The following TOM1L1 variants were observed in gnomAD, a reference collection of about 807,000 sequenced individuals.
The protein encoded by TOM1L1 is TOM1-like protein 1.
TOM1L1 carries 64 observed loss-of-function variants against 63.4 expected under a neutral mutation model. The observed-to-expected ratio is 1.01, with a 90% CI of 0.83 to 1.24. The LOEUF is 1.24. Ranked by LOEUF, TOM1L1 falls within the 50% of genes most tolerant of loss-of-function variation. TOM1L1 has a pLI of 0.00. For missense variants in TOM1L1, 536 were observed against 567.0 expected (o/e 0.95, Z 0.55); for synonymous variants, 166 against 194.4 (o/e 0.85, Z 1.22).
chr17:54,951,462 A>G (rs1478621453), intron 14 of TOM1L1, among the ~76,000 whole-genome samples: 1 of 152,188 alleles, frequency 6.6e-6, no homozygotes, highest in African/African-American at 2.4e-5. Context: ...TATGACCCAC[A>G]GTGACAAAGG....
Position 54,905,583 on chromosome 17 carries a change from T to A in TOM1L1, c.222+16T>A. The A allele has an allele frequency of 6.9e-7, 1 of 1,443,466 alleles. No homozygotes were observed. Among genetic ancestry groups the A allele is most frequent in the Non-Finnish European group, 9.7e-7 (1 of 1,033,372 alleles). 89.4% of individuals were successfully genotyped at this position (1,443,466 alleles called of 1,614,324 possible). A position where few individuals can be genotyped will look rare whatever the true frequency, so the allele number is the denominator to read the frequency against. ...TACCTTGTCAGTAAGTACTTTAATT[T>A]TATAATTAAGACTCGAGGATTTCTC... On this transcript the variant is annotated intron_variant, in intron 3 of 15. Coordinates refer to ENST00000575882, the MANE Select transcript of TOM1L1 (RefSeq NM_005486.3).
chr17:54,913,746 A>G lies in TOM1L1; in HGVS notation c.373-2A>G, dbSNP rs1567822908. On this transcript the variant is annotated splice_acceptor_variant, in intron 4 of 15. Transcript: ENST00000575882. LOFTEE classifies it high-confidence loss of function. ...GGAACTTTTTTCATCTCTTGAATTC[A>G]GACTTGGTCACAGGGCTTCCCAGGA... is the stretch of plus-strand genomic sequence containing the variant. 6.2e-7 allele frequency: 1 copy of G among 1,605,486 alleles called. No homozygotes were observed. The highest frequency in any genetic ancestry group is 2.3e-5 in the East Asian group (1 of 44,180).
intron 13 of TOM1L1, 112 bp downstream of exon 13, chr17:54,949,735 A>G: frequency 1.1e-6 from 1 of 930,736 alleles, no homozygotes; most frequent in Non-Finnish European, 1.7e-6. Flanking sequence ...GCTCTTTTGT[A>G]TTTTTAAGCT....
chr17:54,947,668 C>T (rs1293801811), intron 12 of TOM1L1, among the ~76,000 whole-genome samples: 5 of 152,184 alleles, frequency 3.3e-5, no homozygotes, highest in African/African-American at 1.2e-4. Context: ...GCACACATGG[C>T]TTTCAGACAC....
In TOM1L1 at chr17:54,924,063, A is replaced by G. The variant is rs2048727628; in HGVS notation, c.721-6010A>G. Reference sequence around the variant, plus strand: ...GCTGGAAACCCTCCATTGGCTTCCCATTATAGTTGGAGTAAAACTAGACCT... The same window carrying G: ...GCTGGAAACCCTCCATTGGCTTCCCGTTATAGTTGGAGTAAAACTAGACCT... On this transcript the variant is annotated intron_variant, in intron 7 of 15. Coordinates refer to ENST00000575882, the MANE Select transcript of TOM1L1 (RefSeq NM_005486.3). Among the ~76,000 whole-genome samples, 3 of 152,032 alleles carry G rather than the reference A, an allele frequency of 2.0e-5. No homozygotes were observed. In the South Asian group the frequency reaches 6.2e-4, roughly 32 times the overall value.
intron 6 of TOM1L1, among the ~76,000 whole-genome samples, chr17:54,915,224 T>C (rs2048568048): frequency 6.6e-6 from 1 of 152,220 alleles, no homozygotes; most frequent in African/African-American, 2.4e-5. Context: ...GGAACTATAA[T>C]TGAAGATTTT....
At chr17:54,912,939 A>G in intron 4 of TOM1L1, 124 bp downstream of exon 4, 1 of 896,244 alleles carries the variant, frequency 1.1e-6, no homozygotes, top group Non-Finnish European at 1.5e-6. Context: ...CATTTTTGCT[A>G]TTTTAGTTTC....
chr17:54,930,696 G>A (rs1445327690), intron 8 of TOM1L1, among the ~76,000 whole-genome samples: 3 of 151,952 alleles, frequency 2.0e-5, no homozygotes, highest in Non-Finnish European at 4.4e-5. Context: ...AAAATAATTA[G>A]CTGGGCATGG....
chr17:54,912,286 T>C (rs2048509230), intron 3 of TOM1L1, among the ~76,000 whole-genome samples: 1 of 152,168 alleles, frequency 6.6e-6, no homozygotes, highest in Non-Finnish European at 1.5e-5. Context: ...TGAAAGGGTG[T>C]GTCATCATTA....
intron 14 of TOM1L1, among the ~76,000 whole-genome samples, chr17:54,951,544 A>G: frequency 6.6e-6 from 1 of 152,222 alleles, no homozygotes; most frequent in Non-Finnish European, 1.5e-5. Context: ...CTGCTTCCAG[A>G]GGCTGGCTCC....
chr17:54,960,234 G>A (rs1392187419), intron 14 of TOM1L1, among the ~76,000 whole-genome samples: 1 of 151,980 alleles, frequency 6.6e-6, no homozygotes, highest in Non-Finnish European at 1.5e-5. Context: ...GCATGGTTGT[G>A]TGTCCCTGTA....
intron 7 of TOM1L1, among the ~76,000 whole-genome samples, chr17:54,920,977 T>C (rs959329033): frequency 5.9e-5 from 9 of 152,170 alleles, no homozygotes; most frequent in African/African-American, 2.2e-4. Flanking sequence ...GCTTGCCATC[T>C]CGCTTTGTGG....
chr17:54,906,981 G>A (rs141198364), intron 3 of TOM1L1, among the ~76,000 whole-genome samples: 10 of 152,306 alleles, frequency 6.6e-5, no homozygotes, highest in African/African-American at 2.4e-4. Flanking sequence ...GGACTTTGGG[G>A]CATATGTGAG....
At chr17:54,900,997 G>C (rs968077375) in intron 1 of TOM1L1, 74 bp downstream of exon 1, 3 of 1,599,804 alleles carry the variant, frequency 1.9e-6, no homozygotes, top group East Asian at 2.2e-5. Context: ...TCCATTCTCG[G>C]CCTGCAGAGG....
rs1355341271 is a variant in TOM1L1, at chr17:54,939,011, A to C, written c.1121A>C (p.Glu374Ala). ...AACTTGCTAGCCTTGGAGAATACAG[A>C]GATACCCCCGTAAGTATGTCAGTAA... is the stretch of plus-strand genomic sequence containing the variant. ...QMNLLALENT[E>A]IPPFAQRTSQ... The change falls in exon 11 of 16, where the codon GAG (glutamate) becomes GCG (alanine). Residue 374 changes from glutamate to alanine, a missense_variant. Coordinates refer to ENST00000575882, the MANE Select transcript of TOM1L1 (RefSeq NM_005486.3). The C allele has an allele frequency of 1.9e-6, 3 of 1,602,142 alleles. No homozygotes were observed. In the East Asian group the frequency reaches 6.7e-5, roughly 36 times the overall value.
chr17:54,909,985 A>T (rs2048471737), intron 3 of TOM1L1, among the ~76,000 whole-genome samples: 1 of 152,214 alleles, frequency 6.6e-6, no homozygotes, highest in African/African-American at 2.4e-5. Flanking sequence ...AGAGGAGGTG[A>T]TGTAGAATTA....
chr17:54,924,221 G>A (rs1222007142), intron 7 of TOM1L1, among the ~76,000 whole-genome samples: 1 of 150,558 alleles, frequency 6.6e-6, no homozygotes, highest in East Asian at 2.0e-4. Flanking sequence ...TTTCATCCCT[G>A]ACTCTTATGC....
chr17:54,909,796 C>T (rs1489431536), intron 3 of TOM1L1, among the ~76,000 whole-genome samples: 2 of 152,156 alleles, frequency 1.3e-5, no homozygotes, highest in Non-Finnish European at 2.9e-5. Context: ...GTTTTCAATC[C>T]CACCTCAGAT....
chr17:54,961,064 T>C (rs959925770), intron 15 of TOM1L1, 171 bp from the exon 16 acceptor site: 2 of 618,918 alleles, frequency 3.2e-6, no homozygotes, highest in African/African-American at 1.8e-5. Context: ...CAATGAACTA[T>C]CAAAACTTAT....
Sources: gnomAD v4.1 joint callset for allele counts (sites outside exome capture counted in the v4.1 genomes callset) on GRCh38, gnomAD v4.1.1 for gene constraint, MANE v1.5 for transcripts, NCBI Gene and HGNC (gene_info 2026-07-23, HGNC 2026-07-21) for gene names.